Variants in PVT1 observed in about 807,000 individuals in gnomAD.
PVT1 encodes the protein CXCR4/PVT1 fusion.
chr8:127,927,618 A>G (rs7834600), intron 3 of PVT1, among the ~76,000 whole-genome samples: 95,247 of 151,904 alleles, frequency 0.63, 30,643 homozygotes, highest in Middle Eastern at 0.75. Context: ...TATGAAGAGT[A>G]TGATGAAATT....
intron 4 of PVT1, among the ~76,000 whole-genome samples, chr8:128,020,587 T>A (rs1375472441): frequency 6.6e-6 from 1 of 152,144 alleles, no homozygotes; most frequent in Non-Finnish European, 1.5e-5. Flanking sequence ...GCAACATGAA[T>A]AAGTTTGGAA....
intron 4 of PVT1, among the ~76,000 whole-genome samples, chr8:128,057,389 T>G (rs1008798591): frequency 6.6e-6 from 1 of 152,240 alleles, no homozygotes; most frequent in African/African-American, 2.4e-5. Context: ...TCTACTATAC[T>G]GGCAGGGAGA....
chr8:127,867,588 G>A (rs780678673), intron 2 of PVT1, among the ~76,000 whole-genome samples: 1 of 152,182 alleles, frequency 6.6e-6, no homozygotes, highest in Non-Finnish European at 1.5e-5. Flanking sequence ...GACAAAGGCC[G>A]GGCTGTTGGG....
chr8:128,069,164 G>C (rs1813950153), intron 4 of PVT1, among the ~76,000 whole-genome samples: 1 of 152,178 alleles, frequency 6.6e-6, no homozygotes, highest in East Asian at 1.9e-4. Flanking sequence ...CGTCCTTCCT[G>C]AGATTACACA....
chr8:127,817,731 TA>T (rs771655066), intron 2 of PVT1, among the ~76,000 whole-genome samples: 171 of 133,208 alleles, frequency 1.3e-3, no homozygotes, highest in Middle Eastern at 3.8e-3. Context: ...AAATGAAAAA[TA>T]AAAAAAAAAA....
intron 3 of PVT1, among the ~76,000 whole-genome samples, chr8:127,939,184 C>T (rs1054643663): frequency 6.6e-6 from 1 of 152,222 alleles, no homozygotes; most frequent in Non-Finnish European, 1.5e-5. Context: ...TCCTCACCTG[C>T]CTTCTCACTT....
At chr8:128,006,148 T>TAATAAA (rs1563663904) in intron 4 of PVT1, among the ~76,000 whole-genome samples, 3 of 131,442 alleles carry the variant, frequency 2.3e-5, no homozygotes, top group Non-Finnish European at 3.3e-5. Flanking sequence ...ATAATAATAA[T>TAATAAA]AAAAAGATAA....
At chr8:127,894,780 GTT>G (rs112962502) in intron 3 of PVT1, among the ~76,000 whole-genome samples, 1 of 152,212 alleles carries the variant, frequency 6.6e-6, no homozygotes, top group African/African-American at 2.4e-5. Flanking sequence ...ACCGGTAATT[GTT>G]TCTATTTGCG....
chr8:128,008,965 T>C (rs771337923), intron 4 of PVT1: 1 of 517,978 alleles, frequency 1.9e-6, no homozygotes, highest in South Asian at 1.4e-5. Flanking sequence ...TGCCAAATTA[T>C]GCTCGCCACA....
intron 2 of PVT1, among the ~76,000 whole-genome samples, chr8:127,811,352 G>GC (rs1193381637): frequency 3.3e-5 from 5 of 152,126 alleles, no homozygotes; most frequent in Non-Finnish European, 7.4e-5. Context: ...GCCGTATGTG[G>GC]CCCCCGGGGC....
intron 3 of PVT1, among the ~76,000 whole-genome samples, chr8:127,922,067 G>A (rs117775766): frequency 0.052 from 7,836 of 151,624 alleles, 522 homozygotes; most frequent in East Asian, 0.2. Flanking sequence ...CACCATATTG[G>A]TCAGACTGGT....
intron 3 of PVT1, among the ~76,000 whole-genome samples, chr8:127,979,982 C>T (rs995126829): frequency 5.5e-5 from 8 of 144,200 alleles, no homozygotes; most frequent in African/African-American, 2.0e-4. Context: ...TGGGCTCAGG[C>T]GATCCTTCCA....
At chr8:127,863,505 A>G (rs1036286415) in intron 2 of PVT1, among the ~76,000 whole-genome samples, 1 of 152,140 alleles carries the variant, frequency 6.6e-6, no homozygotes, top group African/African-American at 2.4e-5. Flanking sequence ...TACTAACTTC[A>G]GGTGTCAGTT....
chr8:128,028,337 C>T (rs1004395116), intron 4 of PVT1, among the ~76,000 whole-genome samples: 4 of 152,244 alleles, frequency 2.6e-5, no homozygotes, highest in Non-Finnish European at 2.9e-5. Flanking sequence ...ATGGGTATTG[C>T]GTCCAGGGCC....
chr8:127,812,845 T>C (rs1466101646), intron 2 of PVT1, among the ~76,000 whole-genome samples: 1 of 152,092 alleles, frequency 6.6e-6, no homozygotes, highest in African/African-American at 2.4e-5. Context: ...TGGCTGGGAA[T>C]TATAGAAGCT....
At chr8:127,852,267 T>C (rs1385089313) in intron 2 of PVT1, 2 of 152,256 alleles carry the variant, frequency 1.3e-5, no homozygotes, top group Non-Finnish European at 2.9e-5. Flanking sequence ...GAAAGCTGCA[T>C]TGCGCTAATG....
intron 4 of PVT1, among the ~76,000 whole-genome samples, chr8:128,031,796 G>A (rs940862547): frequency 1.3e-5 from 2 of 152,160 alleles, no homozygotes; most frequent in Non-Finnish European, 2.9e-5. Context: ...TGAGAAAATC[G>A]AAGCTCAGAG....
At chr8:128,052,486 A>G (rs981988398) in intron 4 of PVT1, among the ~76,000 whole-genome samples, 3 of 152,152 alleles carry the variant, frequency 2.0e-5, no homozygotes, top group African/African-American at 4.8e-5. Flanking sequence ...GTAATTGCTC[A>G]TCTGGATTTC....
chr8:127,857,963 A>G (rs1287123376), intron 2 of PVT1, among the ~76,000 whole-genome samples: 1 of 152,220 alleles, frequency 6.6e-6, no homozygotes, highest in African/African-American at 2.4e-5. Flanking sequence ...AAGAGAGGAA[A>G]TGTGAGTTAA....
Sources: gnomAD v4.1 joint callset for allele counts (sites outside exome capture counted in the v4.1 genomes callset) on GRCh38, gnomAD v4.1.1 for gene constraint, MANE v1.5 for transcripts, NCBI Gene and HGNC (gene_info 2026-07-23, HGNC 2026-07-21) for gene names.